DPP6: variants seen among roughly 807,000 people sequenced by gnomAD.
The protein encoded by DPP6 is dipeptidyl peptidase like 6.
A neutral mutation model predicts 122.6 loss-of-function variants in DPP6; 69 were observed. The ratio of observed to expected loss-of-function variants is 0.56; its 90% CI spans 0.46 to 0.69. The LOEUF (loss-of-function observed/expected upper bound fraction) is 0.69. Ranked by LOEUF, DPP6 falls within the 30% of genes least tolerant of loss-of-function variation. The pLI is 0.00. For synonymous variants in DPP6, 418 were observed against 433.1 expected, an observed-to-expected ratio of 0.97 and a Z score of 0.43; for missense variants, 928 against 1,116.9, an observed-to-expected ratio of 0.83 and a Z score of 2.41.
At chr7:154,709,324 C>T (rs566591689) in intron 7 of DPP6, among the ~76,000 whole-genome samples, 2 of 151,992 alleles carry the variant, frequency 1.3e-5, no homozygotes, top group African/African-American at 2.4e-5. Context: ...GGACTACAGG[C>T]GTGTGCTATG....
chr7:154,820,390 G>A (rs1455911135), intron 16 of DPP6, among the ~76,000 whole-genome samples: 3 of 152,098 alleles, frequency 2.0e-5, no homozygotes, highest in African/African-American at 7.2e-5. Flanking sequence ...GAAGGAAGCT[G>A]ACTGCTCAAG....
intron 1 of DPP6, among the ~76,000 whole-genome samples, chr7:153,888,595 C>T (rs7806688): frequency 0.013 from 1,924 of 151,930 alleles, 52 homozygotes; most frequent in African/African-American, 0.044. Flanking sequence ...GAGTTGCCAT[C>T]TTGTTCTGTT....
At chr7:154,471,547 C>G (rs977992170) in intron 2 of DPP6, among the ~76,000 whole-genome samples, 1 of 151,992 alleles carries the variant, frequency 6.6e-6, no homozygotes, top group African/African-American at 2.4e-5. Context: ...GGGGAAAGGG[C>G]TCCAGCCTAA....
chr7:154,573,041 G>A (rs529143618), intron 5 of DPP6, among the ~76,000 whole-genome samples: 1 of 152,088 alleles, frequency 6.6e-6, no homozygotes, highest in African/African-American at 2.4e-5. Flanking sequence ...ATATGGTTCT[G>A]ATGTTTACTG....
intron 1 of DPP6, chr7:154,094,404 G>A (rs1478119973): frequency 6.6e-6 from 1 of 152,444 alleles, no homozygotes; most frequent in Non-Finnish European, 1.5e-5. Flanking sequence ...GGTGTGGTGT[G>A]ATATAGTCAA....
intron 1 of DPP6, among the ~76,000 whole-genome samples, chr7:154,383,586 C>T (rs1239947907): frequency 6.6e-6 from 1 of 151,950 alleles, no homozygotes; most frequent in Admixed American, 6.6e-5. Context: ...AATGACTCAA[C>T]AGTTTTAAAC....
intron 1 of DPP6, among the ~76,000 whole-genome samples, chr7:154,030,347 G>GC (rs1370765550): frequency 3.9e-5 from 6 of 152,134 alleles, no homozygotes; most frequent in African/African-American, 7.2e-5. Flanking sequence ...GCTGTGGAAG[G>GC]CCCCAGAGGA....
At chr7:154,801,761 C>T (rs372370798) in intron 13 of DPP6, among the ~76,000 whole-genome samples, 1 of 152,202 alleles carries the variant, frequency 6.6e-6, no homozygotes, top group East Asian at 1.9e-4. Flanking sequence ...CTGTCTGTGC[C>T]GGGGGCCCTT....
At chr7:154,202,166 G>C (rs141333147) in intron 1 of DPP6, among the ~76,000 whole-genome samples, 2 of 152,310 alleles carry the variant, frequency 1.3e-5, no homozygotes, top group East Asian at 3.9e-4. Flanking sequence ...TTTCCCAAAT[G>C]TCCATGGCAT....
chr7:153,860,002 A>G, the DPP6 span, among the ~76,000 whole-genome samples: 2 of 152,292 alleles, frequency 1.3e-5, no homozygotes, highest in South Asian at 4.1e-4. Context: ...GAGCCAAACC[A>G]TATCACTAAG....
At position 154,595,392 on chromosome 7, in the gene DPP6, A is replaced by C. The variant is rs1295209322; in HGVS notation, c.627+28476A>C. On this transcript the variant is annotated intron_variant, in intron 5 of 25. Coordinates refer to ENST00000377770, the MANE Select transcript of DPP6 (RefSeq NM_130797.4). ...GCTGCCTTCTACTCTGACCTTGAGA[A>C]GGTTATGAACTCTTGGGCTTCCATT... 2.0e-5 allele frequency among the ~76,000 whole-genome samples: 3 copies of C among 152,126 alleles called. No individual in the cohort carries two copies. In the East Asian group the frequency reaches 5.8e-4, roughly 29 times the overall value.
At chr7:154,341,115 A>T (rs962050920) in intron 1 of DPP6, among the ~76,000 whole-genome samples, 1 of 152,204 alleles carries the variant, frequency 6.6e-6, no homozygotes, top group African/African-American at 2.4e-5. Flanking sequence ...AATATCATGC[A>T]ATCCAAATGC....
intron 1 of DPP6, among the ~76,000 whole-genome samples, chr7:154,045,828 G>A (rs1799993278): frequency 6.6e-6 from 1 of 152,200 alleles, no homozygotes; most frequent in Admixed American, 6.5e-5. Context: ...TCATCTGCAT[G>A]AAAGCAAGTT....
At chr7:154,117,274 C>G (rs200771904) in intron 1 of DPP6, among the ~76,000 whole-genome samples, 2 of 152,166 alleles carry the variant, frequency 1.3e-5, no homozygotes, top group African/African-American at 2.4e-5. Context: ...GATCAAGGTA[C>G]AAGACACTCT....
intron 2 of DPP6, among the ~76,000 whole-genome samples, chr7:154,463,866 C>T (rs1195036778): frequency 2.0e-5 from 3 of 152,146 alleles, no homozygotes; most frequent in Non-Finnish European, 4.4e-5. Context: ...CCTCTCCTCT[C>T]CTCAAGCAGA....
At chr7:154,087,496 A>T (rs1804508793) in intron 1 of DPP6, among the ~76,000 whole-genome samples, 1 of 152,242 alleles carries the variant, frequency 6.6e-6, no homozygotes, top group African/African-American at 2.4e-5. Flanking sequence ...GTGTAAGAGC[A>T]GAGGAGAGAA....
rs1378967307 is a variant in DPP6 at position 154,606,360 on chromosome 7, C to T, written c.628-31461C>T. Among the ~76,000 whole-genome samples the T allele has an allele frequency of 2.5e-5, 3 of 120,548 alleles. 1 individual carries two copies. Among genetic ancestry groups the T allele is most frequent in the Non-Finnish European group, 5.6e-5 (3 of 53,442 alleles). 79.1% of individuals were successfully genotyped at this position (120,548 alleles called of 152,430 possible). A position where few individuals can be genotyped will look rare whatever the true frequency, so the allele number is the denominator to read the frequency against. The stretch of plus-strand genomic sequence containing the variant: ...TTATTTCTTTTTATCATTAACTCTC[C>T]GTATTCCTAGCAATGAAATTTGTGT... On this transcript the variant is annotated intron_variant, in intron 5 of 25. Coordinates refer to ENST00000377770, the MANE Select transcript of DPP6 (RefSeq NM_130797.4).
chr7:154,247,811 A>G (rs1388975975), intron 1 of DPP6, among the ~76,000 whole-genome samples: 1 of 152,224 alleles, frequency 6.6e-6, no homozygotes, highest in Non-Finnish European at 1.5e-5. Flanking sequence ...GAAAGTTTAT[A>G]GCAGCCCTAC....
chr7:154,104,948 C>T (rs1441746543), intron 1 of DPP6, among the ~76,000 whole-genome samples: 3 of 152,180 alleles, frequency 2.0e-5, no homozygotes, highest in Non-Finnish European at 4.4e-5. Context: ...TGTGTGCTTA[C>T]ATAACAAACA....
Sources: gnomAD v4.1 joint callset for allele counts (sites outside exome capture counted in the v4.1 genomes callset) on GRCh38, gnomAD v4.1.1 for gene constraint, MANE v1.5 for transcripts, NCBI Gene and HGNC (gene_info 2026-07-23, HGNC 2026-07-21) for gene names.